SCN9A: variants seen among roughly 807,000 people sequenced by gnomAD.
SCN9A encodes sodium voltage-gated channel alpha subunit 9, also known as sodium channel protein type 9 subunit alpha.
Under a neutral mutation model 187.0 loss-of-function variants are expected in SCN9A, and 131 were observed. The ratio of observed to expected loss-of-function variants is 0.70; its 90% CI spans 0.61 to 0.81. The LOEUF is 0.81. Ranked by LOEUF, SCN9A falls within the 30% of genes least tolerant of loss-of-function variation. SCN9A has a pLI of 0.00. For synonymous variants in SCN9A, 809 were observed against 808.6 expected, an observed-to-expected ratio of 1.00 and a Z score of -0.01; for missense variants, 2,252 against 2,396.6, an observed-to-expected ratio of 0.94 and a Z score of 1.26.
chr2:166,310,690 G>A (rs1157394079), intron 2 of SCN9A, among the ~76,000 whole-genome samples: 11 of 134,152 alleles, frequency 8.2e-5, no homozygotes, highest in African/African-American at 1.2e-4. Context: ...TCAGTGTGGC[G>A]ATTCCTCAGG....
chr2:166,289,850 A>G (rs1455452809), intron 9 of SCN9A, among the ~76,000 whole-genome samples: 2 of 152,098 alleles, frequency 1.3e-5, no homozygotes, highest in East Asian at 3.9e-4. Context: ...CTGGCATGAG[A>G]TGGTATCTCA....
chr2:166,276,241 C>T (rs1697230613), intron 16 of SCN9A, among the ~76,000 whole-genome samples: 2 of 152,098 alleles, frequency 1.3e-5, no homozygotes, highest in African/African-American at 4.8e-5. Flanking sequence ...ATGCTATAGG[C>T]CAGTGGCTGG....
intron 1 of SCN9A, among the ~76,000 whole-genome samples, chr2:166,333,368 A>T (rs1042528882): frequency 5.3e-5 from 8 of 152,210 alleles, no homozygotes; most frequent in African/African-American, 1.9e-4. Flanking sequence ...TGTTTTGCAG[A>T]GTTGACTTAT....
At chr2:166,349,142 C>G (rs539677853) in intron 1 of SCN9A, among the ~76,000 whole-genome samples, 1 of 151,900 alleles carries the variant, frequency 6.6e-6, no homozygotes, top group Non-Finnish European at 1.5e-5. Flanking sequence ...AACAAACAAA[C>G]AAACAAACAA....
At chr2:166,262,884 G>A (rs1052523176) in intron 17 of SCN9A, among the ~76,000 whole-genome samples, 8 of 151,828 alleles carry the variant, frequency 5.3e-5, no homozygotes, top group African/African-American at 1.5e-4. Flanking sequence ...TGTTTGATCC[G>A]CTGTTCTCAG....
intron 1 of SCN9A, among the ~76,000 whole-genome samples, chr2:166,314,548 A>C (rs1271705347): frequency 6.6e-6 from 1 of 152,208 alleles, no homozygotes; most frequent in Admixed American, 6.5e-5. Context: ...CCAAAAAGTA[A>C]ACACAACCTC....
In SCN9A at chr2:166,236,811, A is replaced by C. The variant is rs78925307; in HGVS notation, c.3801+1283T>G. ...ACTAATTTGGTAACATTTTGCAGTCAGATTTTACTATGTATGATCATGCTT... is the reference window on the plus strand; with the variant it reads ...ACTAATTTGGTAACATTTTGCAGTCCGATTTTACTATGTATGATCATGCTT... On this transcript the variant is annotated intron_variant, in intron 20 of 26. Transcript: ENST00000642356. 7.8e-4 allele frequency among the ~76,000 whole-genome samples: 119 copies of C among 152,340 alleles called. 2 individuals are homozygous for C. In the East Asian group the frequency reaches 0.021, roughly 27 times the overall value.
chr2:166,258,564 A>C (rs1387310128), intron 17 of SCN9A, among the ~76,000 whole-genome samples: 1 of 151,630 alleles, frequency 6.6e-6, no homozygotes, highest in East Asian at 1.9e-4. Flanking sequence ...ATAAAGTCCC[A>C]TAACTAACAG....
chr2:166,355,390 G>A (rs955287194), intron 1 of SCN9A, among the ~76,000 whole-genome samples: 5 of 151,694 alleles, frequency 3.3e-5, no homozygotes, highest in East Asian at 3.9e-4. Context: ...TATTTAAAAC[G>A]TTTTTATCTA....
In SCN9A at chr2:166,199,653, T is replaced by C. The variant is rs1693385034; in HGVS notation, c.4986A>G (p.Gly1662=). 1.9e-6 allele frequency: 3 copies of C among 1,614,134 alleles called. No homozygotes were observed. Among genetic ancestry groups the C allele is most frequent in the Non-Finnish European group, 2.5e-6 (3 of 1,180,016 alleles). Residue 1662 remains glycine, a synonymous_variant, in exon 27 of 27, where the codon GGA becomes GGG. Transcript: ENST00000642356. ...FLVMFIYAIF[G]MSNFAYVKKE... ...TTTTAACATAGGCAAAGTTGGACATTCCAAAGATGGCGTAGATGAACATGA... is the reference window on the plus strand; with the variant it reads ...TTTTAACATAGGCAAAGTTGGACATCCCAAAGATGGCGTAGATGAACATGA...
intron 1 of SCN9A, among the ~76,000 whole-genome samples, chr2:166,363,167 A>C (rs1700330742): frequency 6.7e-6 from 1 of 149,744 alleles, no homozygotes; most frequent in African/African-American, 2.4e-5. Flanking sequence ...CTTTACTAAA[A>C]ATTAACAGAG....
Position 166,280,394 on chromosome 2 carries a change from G to T in SCN9A, c.2306C>A (p.Thr769Asn). Reference protein sequence around the residue: ...LFMAMEHHPMTEEFKNVLAIG... With the variant: ...LFMAMEHHPMNEEFKNVLAIG... ...AGCAAGTACATTTTTGAATTCCTCAGTCATTGGGTGGTGTTCCATAGCCAT... is the reference window on the plus strand; with the variant it reads ...AGCAAGTACATTTTTGAATTCCTCATTCATTGGGTGGTGTTCCATAGCCAT... The change falls in exon 14 of 27, where the codon ACT becomes AAT. Residue 769 changes from threonine (T) to asparagine (N), a missense_variant. Physicochemically the swap from Thr to Asn is moderately conservative, Grantham distance 65 (BLOSUM62 0). Transcript: ENST00000642356. The T allele has an allele frequency of 6.3e-7, 1 of 1,586,958 alleles. No homozygotes were observed. The highest frequency in any genetic ancestry group is 1.1e-5 in the South Asian group (1 of 87,034).
In SCN9A at chr2:166,281,752, C is replaced by T; in HGVS notation, c.2031G>A (p.Glu677=). The T allele has an allele frequency of 6.2e-7, 1 of 1,613,218 alleles. No individual in the cohort carries two copies. The highest frequency in any genetic ancestry group is 1.1e-5 in the South Asian group (1 of 91,060). Residue 677 remains glutamate (E), a synonymous_variant, in exon 13 of 27, where the codon GAG becomes GAA. Transcript: ENST00000642356. ...TGAGGTTGGGATCATTCAGCATATC[C>T]TCTGAAAGGAGATAGGAACTACAAC... ...KRRCSSYLLS[E]DMLNDPNLRQ...
intron 14 of SCN9A, 101 bp downstream of exon 14, chr2:166,280,256 T>C (rs927527617): frequency 5.7e-6 from 4 of 701,666 alleles, no homozygotes; most frequent in Non-Finnish European, 9.5e-6. Context: ...ATATGCATAA[T>C]TCTGAGGCTG....
At chr2:166,337,232 T>C (rs1438777544) in intron 1 of SCN9A, among the ~76,000 whole-genome samples, 5 of 152,132 alleles carry the variant, frequency 3.3e-5, no homozygotes. Context: ...TTCAGGTATC[T>C]GACTTGGCCT....
At chr2:166,237,584 C>T (rs368160270) in intron 20 of SCN9A, among the ~76,000 whole-genome samples, 1 of 152,014 alleles carries the variant, frequency 6.6e-6, no homozygotes, top group Non-Finnish European at 1.5e-5. Flanking sequence ...CATGACTTCT[C>T]TCTCCCCAAA....
At chr2:166,366,238 G>A (rs112945476) in intron 1 of SCN9A, among the ~76,000 whole-genome samples, 5 of 152,200 alleles carry the variant, frequency 3.3e-5, no homozygotes, top group Admixed American at 1.3e-4. Flanking sequence ...TTTCTTATCT[G>A]CCAGTCTACC....
chr2:166,332,226 T>A (rs965956497), intron 1 of SCN9A, among the ~76,000 whole-genome samples: 1 of 152,158 alleles, frequency 6.6e-6, no homozygotes, highest in African/African-American at 2.4e-5. Context: ...TGACCAGTAG[T>A]CTAGCCAGCT....
At chr2:166,273,658 A>C (rs1490058647) in intron 16 of SCN9A, among the ~76,000 whole-genome samples, 2 of 143,380 alleles carry the variant, frequency 1.4e-5, no homozygotes, top group African/African-American at 2.9e-5. Flanking sequence ...TCAACTCCAC[A>C]TTGTAAAAAA....
Sources: allele counts gnomAD v4.1 joint callset (sites outside exome capture counted in the v4.1 genomes callset), GRCh38; gene constraint gnomAD v4.1.1; transcripts MANE v1.5; gene names NCBI Gene and HGNC (gene_info 2026-07-23, HGNC 2026-07-21).